The following ATP8B1 variants were observed in gnomAD, a reference collection of about 807,000 sequenced individuals.
The protein encoded by ATP8B1 is phospholipid-transporting ATPase IC.
ATP8B1 carries 80 observed loss-of-function variants against 149.9 expected under a neutral mutation model. That is an observed-to-expected ratio of 0.53 (90% CI 0.45 to 0.64). The LOEUF is 0.64. Ranked by LOEUF, ATP8B1 falls within the 30% of genes least tolerant of loss-of-function variation. The pLI, the probability that ATP8B1 is intolerant of heterozygous loss-of-function variation, is 0.00. For missense variants in ATP8B1, 1,247 were observed against 1,552.6 expected, an observed-to-expected ratio of 0.80 and a Z score of 3.31; for synonymous variants, 536 against 562.8, an observed-to-expected ratio of 0.95 and a Z score of 0.67.
intron 1 of ATP8B1, among the ~76,000 whole-genome samples, chr18:57,785,528 C>T (rs374482296): frequency 5.5e-4 from 84 of 152,242 alleles, no homozygotes; most frequent in African/African-American, 1.9e-3. Flanking sequence ...TTTTTTGAGA[C>T]GGAGTCTCGC....
chr18:57,739,898 C>T (rs910778584), intron 1 of ATP8B1, among the ~76,000 whole-genome samples: 1 of 152,180 alleles, frequency 6.6e-6, no homozygotes, highest in Non-Finnish European at 1.5e-5. Context: ...ATCACTAGCA[C>T]CTACCAGAGT....
intron 1 of ATP8B1, among the ~76,000 whole-genome samples, chr18:57,799,130 T>C (rs2080548285): frequency 6.6e-6 from 1 of 152,166 alleles, no homozygotes; most frequent in Non-Finnish European, 1.5e-5. Flanking sequence ...TATTATCCCA[T>C]TTACAGATGA....
intron 1 of ATP8B1, among the ~76,000 whole-genome samples, chr18:57,777,221 G>A (rs1299848138): frequency 1.3e-5 from 2 of 152,104 alleles, no homozygotes. Context: ...CAAGCAATCT[G>A]CCCGGCTCAG....
chr18:57,666,126 C>T (rs925211959), intron 20 of ATP8B1, among the ~76,000 whole-genome samples: 9 of 152,160 alleles, frequency 5.9e-5, no homozygotes, highest in African/African-American at 2.2e-4. Context: ...CTCATGCTGG[C>T]CTGAGAGAAG....
At chr18:57,720,814 A>G (rs893328584) in intron 2 of ATP8B1, among the ~76,000 whole-genome samples, 2 of 151,696 alleles carry the variant, frequency 1.3e-5, no homozygotes, top group Admixed American at 1.3e-4. Flanking sequence ...CAAAGTTGAA[A>G]TGAAAGAAAA....
At chr18:57,664,781 A>T (rs992210471) in intron 20 of ATP8B1, among the ~76,000 whole-genome samples, 82 of 152,316 alleles carry the variant, frequency 5.4e-4, no homozygotes, top group African/African-American at 1.7e-3. Context: ...AAATAAGGAA[A>T]TCAAGCCAGA....
At chr18:57,800,731 A>G (rs2123480186) in intron 1 of ATP8B1, among the ~76,000 whole-genome samples, 1 of 152,350 alleles carries the variant, frequency 6.6e-6, no homozygotes, top group South Asian at 2.1e-4. Context: ...CAGAGCAGCA[A>G]ACAGAGGTTC....
Position 57,669,493 on chromosome 18 carries a change from TA to T in ATP8B1, c.1933-12del. Reference sequence around the variant, plus strand: ...TTCATTTGCAAAGATCTGTTTTATTTAAAAAAATAAATCCACCAATGCAAAG... The same window carrying T: ...TTCATTTGCAAAGATCTGTTTTATTTAAAAAATAAATCCACCAATGCAAAG... On this transcript the variant is annotated splice_polypyrimidine_tract_variant and intron_variant, in intron 17 of 27. Coordinates refer to ENST00000648908, the MANE Select transcript of ATP8B1 (RefSeq NM_001374385.1). The T allele has an allele frequency of 6.2e-7, 1 of 1,606,092 alleles. No individual in the cohort carries two copies. Among genetic ancestry groups the T allele is most frequent in the Non-Finnish European group, 8.5e-7 (1 of 1,173,730 alleles).
chr18:57,740,565 C>G (rs201648685), intron 1 of ATP8B1: 1 of 121,030 alleles, frequency 8.3e-6, no homozygotes, highest in African/African-American at 3.2e-5. Flanking sequence ...CTTCTTTTTT[C>G]TTCCTTTTTT....
At chr18:57,707,090 A>G (rs1270420576) in intron 2 of ATP8B1, among the ~76,000 whole-genome samples, 1 of 152,186 alleles carries the variant, frequency 6.6e-6, no homozygotes, top group Non-Finnish European at 1.5e-5. Context: ...GTGAATCACG[A>G]GGTCAGGAGT....
chr18:57,771,766 C>G (rs1277236393), intron 1 of ATP8B1, among the ~76,000 whole-genome samples: 1 of 152,066 alleles, frequency 6.6e-6, no homozygotes, highest in Non-Finnish European at 1.5e-5. Context: ...AATTAGTTCT[C>G]CAGTAATGTC....
At chr18:57,732,099 A>ATATATATGTATATATATGTG (rs1568043839) in intron 1 of ATP8B1, 1 of 113,562 alleles carries the variant, frequency 8.8e-6, no homozygotes, top group African/African-American at 4.6e-5. Flanking sequence ...ATGTATGTGT[A>ATATATATGTATATATATGTG]TATATATATG....
At chr18:57,730,647 T>C (rs938046329) in intron 2 of ATP8B1, among the ~76,000 whole-genome samples, 4 of 152,152 alleles carry the variant, frequency 2.6e-5, no homozygotes, top group African/African-American at 7.2e-5. Flanking sequence ...CCTTCAGTGA[T>C]GTACTGTCTG....
intron 21 of ATP8B1, 60 bp downstream of exon 21, chr18:57,662,423 T>C (rs1232161229): frequency 1.2e-6 from 2 of 1,602,162 alleles, no homozygotes; most frequent in Non-Finnish European, 1.7e-6. Context: ...CATCTAAAAG[T>C]GGCTCCAAAT....
At chr18:57,772,593 G>A (rs750455158) in intron 1 of ATP8B1, among the ~76,000 whole-genome samples, 9 of 152,160 alleles carry the variant, frequency 5.9e-5, no homozygotes, top group Non-Finnish European at 1.3e-4. Flanking sequence ...GCAGGGAGAG[G>A]CCATCTGAGT....
chr18:57,742,514 C>T (rs936383731), intron 1 of ATP8B1, among the ~76,000 whole-genome samples: 12 of 152,054 alleles, frequency 7.9e-5, no homozygotes, highest in Non-Finnish European at 1.3e-4. Flanking sequence ...TCAGAAAATC[C>T]GCCCCAGAGC....
chr18:57,742,827 A>T (rs1004034974), intron 1 of ATP8B1, among the ~76,000 whole-genome samples: 8 of 18,434 alleles, frequency 4.3e-4, no homozygotes, highest in Admixed American at 2.7e-3. Context: ...CCATCTCTAT[A>T]AAAAAAAAAA....
chr18:57,742,321 C>T (rs1432398596), intron 1 of ATP8B1, among the ~76,000 whole-genome samples: 1 of 152,110 alleles, frequency 6.6e-6, no homozygotes, highest in Non-Finnish European at 1.5e-5. Context: ...TTACAGTTCC[C>T]AGCAGGAACA....
At chr18:57,732,297 ATG>A (rs1243315828) in intron 1 of ATP8B1, among the ~76,000 whole-genome samples, 3 of 11,704 alleles carry the variant, frequency 2.6e-4, no homozygotes, top group Admixed American at 1.7e-3. Context: ...ATGTATATAT[ATG>A]TGTATATATG....
Sources: allele counts gnomAD v4.1 joint callset (sites outside exome capture counted in the v4.1 genomes callset), GRCh38; gene constraint gnomAD v4.1.1; transcripts MANE v1.5; gene names NCBI Gene and HGNC (gene_info 2026-07-23, HGNC 2026-07-21).